Variants in FCSK observed in about 807,000 individuals in gnomAD.
FCSK encodes fucose kinase, also known as L-fucose kinase.
FCSK carries 123 observed loss-of-function variants against 122.5 expected under a neutral mutation model. That is an observed-to-expected ratio of 1.00 (90% CI 0.87 to 1.17). The LOEUF is 1.17. Among genes scored for constraint, FCSK ranks in the 50% most tolerant of loss-of-function variants. The probability of loss-of-function intolerance (pLI) is 0.00; values close to 1 mark genes in which losing one functional copy is unlikely to be tolerated. For synonymous variants in FCSK, 620 were observed against 625.5 expected (o/e 0.99, Z 0.13); for missense variants, 1,366 against 1,450.4 (o/e 0.94, Z 0.95).
intron 13 of FCSK, among the ~76,000 whole-genome samples, chr16:70,472,101 G>A (rs866593890): frequency 6.6e-6 from 1 of 152,100 alleles, no homozygotes; most frequent in East Asian, 1.9e-4. Flanking sequence ...GAGCCACCGC[G>A]CACGGCTGGG....
At chr16:70,476,518 T>A (rs1411890923) in intron 20 of FCSK, among the ~76,000 whole-genome samples, 2 of 151,268 alleles carry the variant, frequency 1.3e-5, no homozygotes, top group African/African-American at 2.4e-5. Context: ...TATGATCTAA[T>A]GAATGTCACC....
At position 70,479,673 on chromosome 16, in the gene FCSK, T is replaced by A. The variant is rs180673806; in HGVS notation, c.3248T>A (p.Phe1083Tyr). 316 of 1,613,630 alleles carry A rather than the reference T, an allele frequency of 2.0e-4. 3 individuals are homozygous for A. The highest frequency in any genetic ancestry group is 1.6e-3 in the South Asian group (142 of 91,048). ...ACCGAGGCCTCAACCTGTTGCCCTT[T>A]CCCATGAAGCTGGCTTCTCTCTGCA... Reference protein sequence around the residue: ...LGTEASTCCPFP With the variant: ...LGTEASTCCPYP Residue 1083 changes from phenylalanine to tyrosine, a missense_variant, in exon 24 of 24, where the codon TTC becomes TAC. Phe to Tyr is a conservative substitution (Grantham distance 22). Coordinates refer to ENST00000288078, the MANE Select transcript of FCSK (RefSeq NM_145059.3).
At chr16:70,455,595 T>TAA (rs1387849487) in intron 1 of FCSK, among the ~76,000 whole-genome samples, 20 of 137,060 alleles carry the variant, frequency 1.5e-4, no homozygotes, top group African/African-American at 4.8e-4. Context: ...AACTATTAAT[T>TAA]AAAAAAAAAA....
chr16:70,473,291 C>T lies in FCSK; in HGVS notation c.1715C>T (p.Pro572Leu), dbSNP rs763516720. Reference protein sequence around the residue: ...LEARQDLSLRPLIWAAVREGC... With the variant: ...LEARQDLSLRLLIWAAVREGC... ...GCCCGGCAGGACCTCAGCCTGCGCC[C>T]GCTGATCTGGGCTGCTGTCCGCGAG... The change falls in exon 15 of 24, where the codon CCG (proline) becomes CTG (leucine). Residue 572 changes from proline to leucine, a missense_variant. Transcript: ENST00000288078. This position sits in a 1 kb window ranked among gnomAD's most constrained non-coding sequence, Gnocchi z 4.9. The T allele has an allele frequency of 1.7e-5, 26 of 1,528,496 alleles. No individual in the cohort carries two copies. Among genetic ancestry groups the T allele is most frequent in the African/African-American group, 1.2e-4 (9 of 72,680 alleles). The allele number at this position is 1,528,496 out of a possible 1,614,324, so 94.7% of individuals were successfully genotyped here.
chr16:70,463,618 C>G lies in FCSK; in HGVS notation c.83-5C>G. On this transcript the variant is annotated splice_polypyrimidine_tract_variant and splice_region_variant and intron_variant, in intron 2 of 23. Coordinates refer to ENST00000288078, the MANE Select transcript of FCSK (RefSeq NM_145059.3). ...GGCAGGTCCCAGTGTCTCTTCTGACCCTAGAACTGGAAGTGCGGCAGAAGC... is the reference window on the plus strand; with the variant it reads ...GGCAGGTCCCAGTGTCTCTTCTGACGCTAGAACTGGAAGTGCGGCAGAAGC... The G allele has an allele frequency of 6.2e-7, 1 of 1,613,440 alleles. No individual in the cohort carries two copies. Among genetic ancestry groups the G allele is most frequent in the South Asian group, 1.1e-5 (1 of 91,068 alleles).
rs2048723853 is a variant in FCSK at position 70,474,267 on chromosome 16, C to T, written c.1916C>T (p.Ser639Leu). ...AACCCTGAGTGGATGCGGCCCTTCT[C>T]ATACCTGGAGTGTGGAGACCTGGCA... ...AANPEWMRPF[S>L]YLECGDLAAG... The change falls in exon 16 of 24, where the codon TCA (serine) becomes TTA (leucine). Residue 639 changes from serine (S) to leucine (L), a missense_variant. Physicochemically the swap from Ser to Leu is moderately radical, Grantham distance 145. Coordinates refer to ENST00000288078, the MANE Select transcript of FCSK (RefSeq NM_145059.3). 1.9e-6 allele frequency: 3 copies of T among 1,613,038 alleles called. No homozygotes were observed. The highest frequency in any genetic ancestry group is 2.5e-6 in the Non-Finnish European group (3 of 1,179,870).
intron 1 of FCSK, among the ~76,000 whole-genome samples, chr16:70,461,390 G>C (rs920504833): frequency 6.6e-6 from 1 of 152,068 alleles, no homozygotes; most frequent in Admixed American, 6.5e-5. Context: ...TGGGGGACTC[G>C]GTCTCGGGGA....
intron 5 of FCSK, 41 bp downstream of exon 5, chr16:70,466,298 G>A: frequency 6.2e-7 from 1 of 1,609,226 alleles, no homozygotes; most frequent in South Asian, 1.1e-5. Context: ...GTCCCAGATA[G>A]AGCCACTTCC....
At position 70,470,958 on chromosome 16, in the gene FCSK, C is replaced by T. The variant is rs1412658801; in HGVS notation, c.1069-13C>T. 2.4e-5 allele frequency: 37 copies of T among 1,566,772 alleles called. No individual in the cohort carries two copies. The highest frequency in any genetic ancestry group is 5.4e-5 in the African/African-American group (4 of 74,218). ...CTCGACCCCCCTCATGCTCCTCCTACCTGGCTGCACAGGAGCAGCAGCTTC... is the reference window on the plus strand; with the variant it reads ...CTCGACCCCCCTCATGCTCCTCCTATCTGGCTGCACAGGAGCAGCAGCTTC... On this transcript the variant is annotated splice_polypyrimidine_tract_variant and intron_variant, in intron 11 of 23. Coordinates refer to ENST00000288078, the MANE Select transcript of FCSK (RefSeq NM_145059.3).
In FCSK at chr16:70,473,326, G is replaced by C; in HGVS notation, c.1750G>C (p.Gly584Arg). Residue 584 changes from glycine to arginine, a missense_variant, in exon 15 of 24, where the codon GGG (glycine) becomes CGG (arginine). Physicochemically the swap from Gly to Arg is moderately radical, Grantham distance 125 (BLOSUM62 -2). Coordinates refer to ENST00000288078, the MANE Select transcript of FCSK (RefSeq NM_145059.3). The surrounding 1 kb of genome is among the most constrained non-coding windows in gnomAD (Gnocchi z 4.9). The stretch of plus-strand genomic sequence containing the variant: ...GGCTGCTGTCCGCGAGGGCTGCCCC[G>C]GGCCCCTGCTGGCCACGCTGGACCA... ...IWAAVREGCP[G>R]PLLATLDQVA... The C allele has an allele frequency of 6.6e-7, 1 of 1,512,952 alleles. No homozygotes were observed. The highest frequency in any genetic ancestry group is 1.4e-5 in the African/African-American group (1 of 72,430). The allele number at this position is 1,512,952 out of a possible 1,614,324, so 93.7% of individuals were successfully genotyped here.
intron 22 of FCSK, 34 bp from the exon 23 acceptor site, chr16:70,479,146 C>G (rs1226927841): frequency 6.5e-7 from 1 of 1,530,924 alleles, no homozygotes; most frequent in Admixed American, 1.7e-5. Flanking sequence ...AGTATCTTGG[C>G]CCAGGCACGT....
At chr16:70,476,947 A>C (rs1338052001) in intron 20 of FCSK, among the ~76,000 whole-genome samples, 1 of 152,354 alleles carries the variant, frequency 6.6e-6, no homozygotes, top group East Asian at 1.9e-4. Context: ...CTGGAGACAG[A>C]CATTAATCAA....
chr16:70,459,888 G>A (rs1377391799), intron 1 of FCSK, among the ~76,000 whole-genome samples: 1 of 150,980 alleles, frequency 6.6e-6, no homozygotes, highest in African/African-American at 2.4e-5. Context: ...TGCAATCTCT[G>A]TCTCCCAGGT....
chr16:70,479,397 G>A lies in FCSK; in HGVS notation c.3147G>A (p.Lys1049=), dbSNP rs1322183748. 1 of 1,612,626 alleles carries A rather than the reference G, an allele frequency of 6.2e-7. No homozygotes were observed. The highest frequency in any genetic ancestry group is 1.3e-5 in the African/African-American group (1 of 74,930). ...AGGCCTTGGAGGCGGTGCTGGCCAA[G>A]ACCGAGGTACTGATGGGGCTGGGGT... ...QKEALEAVLA[K]TEGLGNYSIH... is the part of the protein sequence containing the mutation. Residue 1049 remains lysine, a synonymous_variant, in exon 23 of 24, where the codon AAG becomes AAA. Coordinates refer to ENST00000288078, the MANE Select transcript of FCSK (RefSeq NM_145059.3).
chr16:70,460,124 T>TTTTTTG (rs2048217706), intron 1 of FCSK, among the ~76,000 whole-genome samples: 1 of 136,056 alleles, frequency 7.3e-6, no homozygotes. Context: ...TTTTTTTTTT[T>TTTTTTG]GAGACGGTGT....
At position 70,465,032 on chromosome 16, in the gene FCSK, G is replaced by A. The variant is rs2048374270; in HGVS notation, c.235-94G>A. ...CTTTTGTCCCTTGGGTACCTGAGTG[G>A]ATTTGTGTTGGAGTCTCTCTCTGGA... On this transcript the variant is annotated intron_variant, in intron 3 of 23. Transcript: ENST00000288078. 1.9e-6 allele frequency: 3 copies of A among 1,572,810 alleles called. No individual in the cohort carries two copies. In the Admixed American group the frequency reaches 5.5e-5, roughly 29 times the overall value.
At position 70,467,400 on chromosome 16, in the gene FCSK, G is replaced by T; in HGVS notation, c.511G>T (p.Ala171Ser). ...PGISWDSFRG[A>S]RVIALPGSPA... is the part of the protein sequence containing the mutation. ...TATCAGCTGGGACAGCTTCCGGGGA[G>T]CCAGAGTGATCGCCCTCCCAGGGAG... is the stretch of plus-strand genomic sequence containing the variant. Residue 171 changes from alanine (A) to serine (S), a missense_variant, in exon 7 of 24, where the codon GCC becomes TCC. Coordinates refer to ENST00000288078, the MANE Select transcript of FCSK (RefSeq NM_145059.3). 2.2e-5 allele frequency: 36 copies of T among 1,610,642 alleles called. No homozygotes were observed. Among genetic ancestry groups the T allele is most frequent in the Non-Finnish European group, 3.0e-5 (35 of 1,178,862 alleles).
intron 8 of FCSK, 100 bp from the exon 9 acceptor site, chr16:70,468,749 C>T: frequency 6.9e-7 from 1 of 1,447,752 alleles, no homozygotes; most frequent in Non-Finnish European, 9.5e-7. Context: ...CCTGGTATGG[C>T]ACTCAGCTTC....
chr16:70,472,470 C>A (rs1406234154), intron 13 of FCSK, 71 bp from the exon 14 acceptor site: 1 of 1,248,294 alleles, frequency 8.0e-7, no homozygotes, highest in Non-Finnish European at 1.1e-6. Flanking sequence ...CAGCTCCTGG[C>A]CCCCTGGCCG....
Sources: allele counts gnomAD v4.1 joint callset (sites outside exome capture counted in the v4.1 genomes callset), GRCh38; gene constraint gnomAD v4.1.1; non-coding constraint Gnocchi (gnomAD v3.1); transcripts MANE v1.5; gene names NCBI Gene and HGNC (gene_info 2026-07-23, HGNC 2026-07-21).